The following PSMA6 variants were observed in gnomAD, a reference collection of about 807,000 sequenced individuals.
PSMA6 encodes the protein proteasome 20S subunit alpha 6.
For missense variants in PSMA6, 170 were observed against 294.8 expected, an observed-to-expected ratio of 0.58 and a Z score of 3.10; for synonymous variants, 88 against 97.7, an observed-to-expected ratio of 0.90 and a Z score of 0.59.
At chr14:35,283,694 C>T (rs1003261537) in intron 1 of PSMA6, among the ~76,000 whole-genome samples, 1 of 151,678 alleles carries the variant, frequency 6.6e-6, no homozygotes, top group African/African-American at 2.4e-5. Flanking sequence ...TAACTGGGAC[C>T]GCTGGCACAC....
upstream of PSMA6, among the ~76,000 whole-genome samples, chr14:35,291,715 CG>C (rs1272435986): frequency 2.0e-5 from 3 of 149,462 alleles, no homozygotes; most frequent in Admixed American, 1.3e-4. Flanking sequence ...CCCAGCTACT[CG>C]GGAGGATGAG....
chr14:35,280,020 G>C (rs1048643664), intron 1 of PSMA6, among the ~76,000 whole-genome samples: 2 of 152,034 alleles, frequency 1.3e-5, no homozygotes, highest in African/African-American at 2.4e-5. Context: ...AGCTACTCGG[G>C]AGGCTGAGGC....
intron 1 of PSMA6, among the ~76,000 whole-genome samples, chr14:35,302,378 T>G (rs1163527823): frequency 2.0e-5 from 3 of 152,146 alleles, no homozygotes; most frequent in African/African-American, 7.2e-5. Context: ...CACTACAAAT[T>G]TAGTGGTGTT....
At chr14:35,280,609 T>C (rs1023697872) in intron 1 of PSMA6, among the ~76,000 whole-genome samples, 15 of 151,948 alleles carry the variant, frequency 9.9e-5, no homozygotes, top group African/African-American at 3.6e-4. Flanking sequence ...CTTAAACTCC[T>C]GACCTCAAGT....
chr14:35,299,609 A>C (rs945297499), intron 1 of PSMA6, among the ~76,000 whole-genome samples: 2 of 151,904 alleles, frequency 1.3e-5, no homozygotes, highest in African/African-American at 4.8e-5. Flanking sequence ...GGCGTGAGCC[A>C]CCATGCCCAG....
intron 1 of PSMA6, among the ~76,000 whole-genome samples, chr14:35,303,657 A>G (rs2051763130): frequency 6.6e-6 from 1 of 152,214 alleles, no homozygotes; most frequent in Non-Finnish European, 1.5e-5. Flanking sequence ...TTTATTAGCC[A>G]TATCAGGATC....
At chr14:35,316,309 C>G (rs2052042606) in intron 6 of PSMA6, 1 of 148,840 alleles carries the variant, frequency 6.7e-6, no homozygotes, top group Non-Finnish European at 1.5e-5. Flanking sequence ...TTGCTTGAGC[C>G]TGGGAGGCGG....
intron 1 of PSMA6, among the ~76,000 whole-genome samples, chr14:35,283,377 A>AG (rs1555335230): frequency 1.5e-3 from 227 of 151,536 alleles, no homozygotes; most frequent in Admixed American, 4.7e-3. Context: ...AAAAAAAAAA[A>AG]AGAGAGAGAA....
At chr14:35,301,231 G>A (rs781682948) in intron 1 of PSMA6, among the ~76,000 whole-genome samples, 13 of 152,078 alleles carry the variant, frequency 8.5e-5, no homozygotes, top group African/African-American at 3.1e-4. Flanking sequence ...TTGGCTGAGC[G>A]CAGTGGTTCA....
intron 1 of PSMA6, among the ~76,000 whole-genome samples, chr14:35,298,162 G>A (rs907818165): frequency 4.6e-5 from 7 of 152,010 alleles, no homozygotes; most frequent in East Asian, 1.9e-4. Context: ...GCTTGGAGTC[G>A]AGTTTAATGC....
intron 1 of PSMA6, among the ~76,000 whole-genome samples, chr14:35,279,416 G>A (rs955244976): frequency 2.6e-5 from 4 of 152,156 alleles, no homozygotes; most frequent in African/African-American, 9.7e-5. Flanking sequence ...CAGCATTGCT[G>A]GACACCATAA....
chr14:35,291,448 C>G (rs1594375919), upstream of PSMA6, among the ~76,000 whole-genome samples: 1 of 152,082 alleles, frequency 6.6e-6, no homozygotes, highest in South Asian at 2.1e-4. Flanking sequence ...TCTCAATCTC[C>G]TGACCTCGTG....
intron 1 of PSMA6, among the ~76,000 whole-genome samples, chr14:35,284,903 G>T (rs1022284476): frequency 7.9e-5 from 12 of 152,154 alleles, no homozygotes; most frequent in African/African-American, 2.9e-4. Flanking sequence ...CATCATCCCA[G>T]AGTTTTTAAT....
At chr14:35,278,822 T>C in intron 1 of PSMA6, 1 of 1,382,668 alleles carries the variant, frequency 7.2e-7, no homozygotes, top group Non-Finnish European at 9.8e-7. Context: ...GACCTTGCTC[T>C]AGAATCCCAA....
intron 5 of PSMA6, 191 bp from the exon 6 acceptor site, chr14:35,314,170 T>G (rs556422243): frequency 7.3e-5 from 33 of 452,244 alleles, no homozygotes; most frequent in Non-Finnish European, 3.5e-6. Flanking sequence ...CTTTATTATT[T>G]GACTTGGTAG....
rs772079462 is a variant in PSMA6 at position 35,317,279 on chromosome 14, C to T, written c.714C>T (p.His238=). ...TTACAGAAGCAGAGATTGATGCTCA[C>T]CTTGTTGCTCTAGCAGAGAGAGACT... is the stretch of plus-strand genomic sequence containing the variant. ...RILTEAEIDA[H]LVALAERD Residue 238 remains histidine (H), a synonymous_variant, in exon 7 of 7, where the codon CAC becomes CAT. Coordinates refer to ENST00000261479, the MANE Select transcript of PSMA6 (RefSeq NM_002791.3). 1.9e-6 allele frequency: 3 copies of T among 1,612,212 alleles called. No homozygotes were observed. Among genetic ancestry groups the T allele is most frequent in the Non-Finnish European group, 1.7e-6 (2 of 1,178,940 alleles).
rs1267082277 is a variant in PSMA6 at position 35,285,350 on chromosome 14, A to AAAAAC, written c.19+6637_19+6641dup. Among the ~76,000 whole-genome samples the AAAAAC allele has an allele frequency of 4.7e-4, 18 of 38,018 alleles. No individual in the cohort carries two copies. In the South Asian group the frequency reaches 0.027, roughly 57 times the overall value. The allele number at this position is 38,018 out of a possible 152,430, so 24.9% of individuals were successfully genotyped here. On this transcript the variant is annotated intron_variant, in intron 1 of 6. Coordinates refer to the PSMA6 transcript ENST00000540871. ...GCAAAACTCTATCTCAAAAAAAACA[A>AAAAAC]AAAACAAAAAAAAAAACCGTAGCAC...
At position 35,317,467 on chromosome 14, in the gene PSMA6, GA is replaced by G. The variant is rs530148314; in HGVS notation, c.*165del. On this transcript the variant is annotated 3_prime_UTR_variant, in exon 7 of 7. Transcript: ENST00000261479. ...TATATAAATAAAAACAAGGCTTTTG[GA>G]AAATAATTGCATCCTGTTGTTTTCA... 1.8e-3 allele frequency: 1,006 copies of G among 565,922 alleles called. 8 individuals are homozygous for G. Among genetic ancestry groups the G allele is most frequent in the African/African-American group, 0.018 (937 of 53,298 alleles). 35.1% of individuals were successfully genotyped at this position (565,922 alleles called of 1,614,324 possible). A position where few individuals can be genotyped will look rare whatever the true frequency, so the allele number is the denominator to read the frequency against.
At chr14:35,313,250 G>T (rs113132104) in intron 5 of PSMA6, 191 bp downstream of exon 5, 6 of 522,448 alleles carry the variant, frequency 1.1e-5, no homozygotes, top group Non-Finnish European at 1.6e-5. Context: ...TCCTTATTTC[G>T]TAATGTATTT....
Sources: allele counts gnomAD v4.1 joint callset (sites outside exome capture counted in the v4.1 genomes callset), GRCh38; gene constraint gnomAD v4.1.1; transcripts MANE v1.5; gene names NCBI Gene and HGNC (gene_info 2026-07-23, HGNC 2026-07-21).